The following ENG variants were observed in gnomAD, a reference collection of about 807,000 sequenced individuals.
ENG encodes CD105 antigen.
ENG carries 17 observed loss-of-function variants against 71.0 expected under a neutral mutation model. The observed-to-expected ratio is 0.24, with a 90% CI of 0.16 to 0.36. ENG has a LOEUF of 0.36. Ranked by LOEUF, ENG falls within the 10% of genes least tolerant of loss-of-function variation. ENG has a pLI of 1.00. For synonymous variants in ENG, 360 were observed against 366.9 expected (o/e 0.98, Z 0.21); for missense variants, 749 against 868.3 (o/e 0.86, Z 1.73).
Position 127,836,279 on chromosome 9 carries a change from C to T in ENG, c.220-6452G>A, listed in dbSNP as rs1209901063. Among the ~76,000 whole-genome samples, 1 of 152,234 alleles carries T rather than the reference C, an allele frequency of 6.6e-6. No individual in the cohort carries two copies. Among genetic ancestry groups the T allele is most frequent in the Non-Finnish European group, 1.5e-5 (1 of 68,028 alleles). On this transcript the variant is annotated intron_variant, in intron 2 of 14. Transcript: ENST00000373203. The surrounding 1 kb of genome is among the most constrained non-coding windows in gnomAD (Gnocchi z 4.0). ...AGCCCCTCACCCCCAGCCCGGCCAG[C>T]CTGCGCCTACCCAGCCCCCTCCCTG...
At chr9:127,840,468 C>T (rs546120397) in intron 2 of ENG, among the ~76,000 whole-genome samples, 21 of 152,094 alleles carry the variant, frequency 1.4e-4, no homozygotes, top group Admixed American at 1.1e-3. Flanking sequence ...TGGTGGCAGA[C>T]GCCTGTAATC....
At chr9:127,830,676 A>G (rs1830744552) in intron 2 of ENG, among the ~76,000 whole-genome samples, 1 of 151,956 alleles carries the variant, frequency 6.6e-6, no homozygotes, top group African/African-American at 2.4e-5. Flanking sequence ...CAAACAAAAA[A>G]AAGGGATGAG....
At chr9:127,818,890 G>T in intron 10 of ENG, 58 bp from the exon 11 acceptor site, 1 of 1,502,036 alleles carries the variant, frequency 6.7e-7, no homozygotes, top group Non-Finnish European at 9.3e-7. Flanking sequence ...AGGAGGGCGA[G>T]GGGTGTGGGG....
rs752331196 is a variant in ENG at position 127,825,241 on chromosome 9, A to G, written c.806T>C (p.Met269Thr). The G allele has an allele frequency of 1.2e-6, 2 of 1,612,532 alleles. No homozygotes were observed. Among genetic ancestry groups the G allele is most frequent in the South Asian group, 1.1e-5 (1 of 91,008 alleles). ...CTGCGCACAACTCACCCAGATCTGC[A>G]TGTTGTGGTTGGCGTCGATGAGCCA... is the stretch of plus-strand genomic sequence containing the variant. The part of the protein sequence containing the change: ...VSWLIDANHN[M>T]QIWTTGEYSF... Residue 269 changes from methionine to threonine, a missense_variant, in exon 6 of 15, where the codon ATG (methionine) becomes ACG (threonine). Met to Thr is a moderately conservative substitution (Grantham distance 81). Coordinates refer to ENST00000373203, the MANE Select transcript of ENG (RefSeq NM_001114753.3).
intron 4 of ENG, 47 bp downstream of exon 4, chr9:127,826,463 C>T (rs772281793): frequency 6.2e-7 from 1 of 1,611,966 alleles, no homozygotes; most frequent in Non-Finnish European, 8.5e-7. Context: ...GCTCAGATTC[C>T]TCCTGAGCAG....
At position 127,826,636 on chromosome 9, in the gene ENG, C is replaced by A. The variant is rs1231444501; in HGVS notation, c.397G>T (p.Val133Phe). ...AAGGATGGCAGCTCTGTGGTGTTGA[C>A]CCCCGGGGGCTCTTGGAAGGTGACC... is the stretch of plus-strand genomic sequence containing the variant. ...SLVTFQEPPG[V>F]NTTELPSFPK... The change falls in exon 4 of 15, where the codon GTC (valine) becomes TTC (phenylalanine). Residue 133 changes from valine (V) to phenylalanine (F), a missense_variant. By Grantham distance (50) the Val-to-Phe change is conservative (BLOSUM62 -1). Coordinates refer to ENST00000373203, the MANE Select transcript of ENG (RefSeq NM_001114753.3). 1.2e-6 allele frequency: 2 copies of A among 1,613,948 alleles called. No homozygotes were observed. The highest frequency in any genetic ancestry group is 1.1e-5 in the South Asian group (1 of 91,076).
intron 6 of ENG, 110 bp from the exon 7 acceptor site, chr9:127,825,084 G>A: frequency 6.3e-7 from 1 of 1,585,034 alleles, no homozygotes; most frequent in Non-Finnish European, 8.6e-7. Flanking sequence ...CACTCCTGCT[G>A]CGTCTTCTGC....
chr9:127,847,928 G>C (rs571434773), intron 1 of ENG, among the ~76,000 whole-genome samples: 63 of 152,304 alleles, frequency 4.1e-4, no homozygotes, highest in African/African-American at 1.3e-3. Context: ...TCAAGTTCCT[G>C]CACTGCAGCC....
chr9:127,816,670 A>T (rs1387783677), intron 13 of ENG: 2 of 250,008 alleles, frequency 8.0e-6, no homozygotes, highest in East Asian at 2.0e-4. Context: ...AGGTGCCCCC[A>T]TCCCTCACCC....
chr9:127,818,061 G>A, intron 12 of ENG, 59 bp downstream of exon 12: 1 of 1,612,668 alleles, frequency 6.2e-7, no homozygotes. Context: ...GTCCCTTCCT[G>A]CAAACCACAG....
chr9:127,843,046 T>C, intron 2 of ENG, 48 bp downstream of exon 2: 1 of 1,612,758 alleles, frequency 6.2e-7, no homozygotes, highest in Non-Finnish European at 8.5e-7. Context: ...CCCATCTGCC[T>C]TGGAGCTTCC....
At position 127,846,187 on chromosome 9, in the gene ENG, G is replaced by A. The variant is rs1831164727; in HGVS notation, c.68-2942C>T. Among the ~76,000 whole-genome samples, 6 of 152,170 alleles carry A rather than the reference G, an allele frequency of 3.9e-5. No homozygotes were observed. Among genetic ancestry groups the A allele is most frequent in the African/African-American group, 1.4e-4 (6 of 41,442 alleles). On this transcript the variant is annotated intron_variant, in intron 1 of 14. Coordinates refer to ENST00000373203, the MANE Select transcript of ENG (RefSeq NM_001114753.3). The surrounding 1 kb of genome is among the most constrained non-coding windows in gnomAD (Gnocchi z 5.5). Reference sequence around the variant, plus strand: ...CTCACCCCAACAAAATCAAGGGCTGGTGCCATCTCCTGTCTCCAGTCCCTC... The same window carrying A: ...CTCACCCCAACAAAATCAAGGGCTGATGCCATCTCCTGTCTCCAGTCCCTC...
chr9:127,819,665 G>C lies in ENG; in HGVS notation c.1273-5C>G, dbSNP rs779103881. On this transcript the variant is annotated splice_region_variant and splice_polypyrimidine_tract_variant and intron_variant, in intron 9 of 14. Coordinates refer to ENST00000373203, the MANE Select transcript of ENG (RefSeq NM_001114753.3). ...CGACAGGATATTGACCACCGCCTGC[G>C]GGGATAAAGCCAGGGAGCTGGTCAG... The C allele has an allele frequency of 6.2e-7, 1 of 1,608,226 alleles. No individual in the cohort carries two copies. Among genetic ancestry groups the C allele is most frequent in the South Asian group, 1.1e-5 (1 of 89,986 alleles).
Position 127,838,150 on chromosome 9 carries a change from AC to A in ENG, c.219+4943del, listed in dbSNP as rs199852725. ...CCATCCTTCAGGTCTGGGGGAGCTC[AC>A]ATAGCCATGCAGTGCTCCCCTGGAG... On this transcript the variant is annotated intron_variant, in intron 2 of 14. Transcript: ENST00000373203. The surrounding 1 kb of genome is among the most constrained non-coding windows in gnomAD (Gnocchi z 4.3). 1.5e-3 allele frequency among the ~76,000 whole-genome samples: 226 copies of A among 152,242 alleles called. 4 individuals carry two copies. In the East Asian group the frequency reaches 0.036, roughly 24 times the overall value.
chr9:127,818,392 A>G lies in ENG; in HGVS notation c.1429-15T>C. 6.2e-7 allele frequency: 1 copy of G among 1,612,588 alleles called. No individual in the cohort carries two copies. Among genetic ancestry groups the G allele is most frequent in the Non-Finnish European group, 8.5e-7 (1 of 1,179,950 alleles). ...GACACTCTGACCTGCATGGGTAGGT[A>G]GGGCCACGCGGCATGGGCAGCTGCT... On this transcript the variant is annotated splice_polypyrimidine_tract_variant and intron_variant, in intron 11 of 14. Coordinates refer to ENST00000373203, the MANE Select transcript of ENG (RefSeq NM_001114753.3).
At chr9:127,823,122 G>A (rs539211084) in intron 8 of ENG, among the ~76,000 whole-genome samples, 24 of 151,736 alleles carry the variant, frequency 1.6e-4, no homozygotes, top group African/African-American at 5.6e-4. Flanking sequence ...TTACAGGTGT[G>A]AGCCACTGTG....
intron 3 of ENG, among the ~76,000 whole-genome samples, chr9:127,827,987 C>G (rs1170681339): frequency 7.0e-6 from 1 of 142,004 alleles, no homozygotes; most frequent in Non-Finnish European, 1.5e-5. Context: ...CCATTGCACT[C>G]CAGCCTGGGC....
chr9:127,818,147 C>T lies in ENG; in HGVS notation c.1659G>A (p.Leu553=). ...KTGTLSCTVA[L]RPKTGSQDQE... is the part of the protein sequence containing the mutation. ...GGTCTTGAGACCCGGTCTTGGGACG[C>T]AGGGCTACCGTGCAGCTGAGGGTGC... The change falls in exon 12 of 15, where the codon CTG becomes CTA. Residue 553 remains leucine (L), a synonymous_variant. Coordinates refer to ENST00000373203, the MANE Select transcript of ENG (RefSeq NM_001114753.3). 1 of 1,614,214 alleles carries T rather than the reference C, an allele frequency of 6.2e-7. No homozygotes were observed.
Position 127,831,697 on chromosome 9 carries a change from T to TC in ENG, c.220-1871_220-1870insG, listed in dbSNP as rs1323872744. Reference sequence around the variant, plus strand: ...ACCCTGCCTGGCCTTTTTTTTTTTTTTTTCTTTCTTTTGAGACAGGGTCTT... The same window carrying TC: ...ACCCTGCCTGGCCTTTTTTTTTTTTTCTTTCTTTCTTTTGAGACAGGGTCTT... On this transcript the variant is annotated intron_variant, in intron 2 of 14. Transcript: ENST00000373203. Among the ~76,000 whole-genome samples the TC allele has an allele frequency of 6.0e-5, 9 of 150,686 alleles. No individual in the cohort carries two copies. In the East Asian group the frequency reaches 1.4e-3, roughly 23 times the overall value.
Sources: gnomAD v4.1 joint callset for allele counts (sites outside exome capture counted in the v4.1 genomes callset) on GRCh38, gnomAD v4.1.1 for gene constraint, Gnocchi (gnomAD v3.1) non-coding constraint, MANE v1.5 for transcripts, NCBI Gene and HGNC (gene_info 2026-07-23, HGNC 2026-07-21) for gene names.